CTTNBP2: variants seen among roughly 807,000 people sequenced by gnomAD.
The protein encoded by CTTNBP2 is cortactin-binding protein 2.
In CTTNBP2, 108 loss-of-function variants were observed where a neutral mutation model predicts 156.9. The ratio of observed to expected loss-of-function variants is 0.69; its 90% CI spans 0.59 to 0.81. The LOEUF is 0.81. Ranked by LOEUF, CTTNBP2 falls within the 30% of genes least tolerant of loss-of-function variation. The pLI is 0.00. For missense variants in CTTNBP2, 1,924 were observed against 2,035.4 expected (o/e 0.95, Z 1.05); for synonymous variants, 767 against 751.8 (o/e 1.02, Z -0.33).
At chr7:117,782,033 T>C (rs1414985129) in intron 6 of CTTNBP2, among the ~76,000 whole-genome samples, 1 of 152,184 alleles carries the variant, frequency 6.6e-6, no homozygotes, top group African/African-American at 2.4e-5. Context: ...AAATAATTCA[T>C]TTTGAATTTT....
chr7:117,804,015 T>G (rs1000637151), intron 3 of CTTNBP2, among the ~76,000 whole-genome samples: 2 of 151,842 alleles, frequency 1.3e-5, no homozygotes, highest in Admixed American at 6.6e-5. Context: ...CAGGCCAGAG[T>G]GTAGTGGGGT....
chr7:117,769,761 C>G (rs936192555), intron 8 of CTTNBP2, among the ~76,000 whole-genome samples: 5 of 152,106 alleles, frequency 3.3e-5, no homozygotes, highest in African/African-American at 1.2e-4. Context: ...GCAATCTGAG[C>G]ACTAAACTTA....
Position 117,792,705 on chromosome 7 carries a change from C to T in CTTNBP2, c.491G>A (p.Arg164His), listed in dbSNP as rs200938049. 1.5e-4 allele frequency: 242 copies of T among 1,611,640 alleles called. No individual in the cohort carries two copies. Among genetic ancestry groups the T allele is most frequent in the Non-Finnish European group, 1.9e-4 (229 of 1,178,684 alleles). ...CAGGACCACCTGCTTGTTCTTGCCA[C>T]GCTCTTCCTCAAGGCGGGCAGCCAG... ...KKLAARLEEE[R>H]GKNKQVVLML... Residue 164 changes from arginine (R) to histidine (H), a missense_variant, in exon 4 of 23, where the codon CGT becomes CAT. Transcript: ENST00000160373. The surrounding 1 kb of genome is among the most constrained non-coding windows in gnomAD (Gnocchi z 4.2).
At position 117,792,823 on chromosome 7, in the gene CTTNBP2, T is replaced by C; in HGVS notation, c.415-42A>G. The C allele has an allele frequency of 7.4e-7, 1 of 1,348,062 alleles. No individual in the cohort carries two copies. The highest frequency in any genetic ancestry group is 9.8e-7 in the Non-Finnish European group (1 of 1,020,382). The allele number at this position is 1,348,062 out of a possible 1,614,324, so 83.5% of individuals were successfully genotyped here. A position where few individuals can be genotyped will look rare whatever the true frequency, so the allele number is the denominator to read the frequency against. The stretch of plus-strand genomic sequence containing the variant: ...GGAAAACCCTGATTAATATACAGAA[T>C]TTTCTTTTCACCAAGGAAATGCTTT... On this transcript the variant is annotated intron_variant, in intron 3 of 22. Transcript: ENST00000160373. The surrounding 1 kb of genome is among the most constrained non-coding windows in gnomAD (Gnocchi z 4.2).
chr7:117,853,837 T>C (rs1803087492), intron 2 of CTTNBP2, among the ~76,000 whole-genome samples: 1 of 152,194 alleles, frequency 6.6e-6, no homozygotes, highest in South Asian at 2.1e-4. Flanking sequence ...GTTACTTCAT[T>C]TGCTTATTAT....
Position 117,791,438 on chromosome 7 carries a change from C to T in CTTNBP2, c.1758G>A (p.Ser586=), listed in dbSNP as rs776573193. ...TCCCTTGTGGCAAACTGGAAGGAGT[C>T]GAAGCCACAGTTTTGTTATCAACTT... The part of the protein sequence containing the change: ...GAKVDNKTVA[S]TPSSLPQGNR... Residue 586 remains serine (S), a synonymous_variant, in exon 4 of 23, where the codon TCG becomes TCA. Transcript: ENST00000160373. 2.0e-5 allele frequency: 33 copies of T among 1,614,052 alleles called. No homozygotes were observed. Among genetic ancestry groups the T allele is most frequent in the Admixed American group, 5.0e-5 (3 of 60,000 alleles).
At chr7:117,798,661 T>C (rs1799452299) in intron 3 of CTTNBP2, among the ~76,000 whole-genome samples, 1 of 152,018 alleles carries the variant, frequency 6.6e-6, no homozygotes, top group African/African-American at 2.4e-5. Flanking sequence ...ATCATCCTAG[T>C]TTCACCTTAA....
chr7:117,855,834 T>A (rs1341639995), intron 2 of CTTNBP2, among the ~76,000 whole-genome samples: 4 of 152,168 alleles, frequency 2.6e-5, no homozygotes, highest in African/African-American at 9.7e-5. Flanking sequence ...TACAGAACAA[T>A]TAATTTTAAA....
At position 117,791,325 on chromosome 7, in the gene CTTNBP2, G is replaced by A. The variant is rs995587588; in HGVS notation, c.1871C>T (p.Ala624Val). Residue 624 changes from alanine (A) to valine (V), a missense_variant, in exon 4 of 23, where the codon GCA becomes GTA. Physicochemically the swap from Ala to Val is moderately conservative, Grantham distance 64. Coordinates refer to ENST00000160373, the MANE Select transcript of CTTNBP2 (RefSeq NM_033427.3). ...KPSIDLTVAP[A>V]GCAVSALATS... ...GGCCAGGGCTGAAACGGCACAGCCTGCAGGTGCCACAGTTAAATCTATGGA... is the reference window on the plus strand; with the variant it reads ...GGCCAGGGCTGAAACGGCACAGCCTACAGGTGCCACAGTTAAATCTATGGA... 7.4e-6 allele frequency: 12 copies of A among 1,614,202 alleles called. No individual in the cohort carries two copies. The highest frequency in any genetic ancestry group is 1.1e-5 in the South Asian group (1 of 91,076).
intron 22 of CTTNBP2, chr7:117,712,525 A>C (rs1794115675): frequency 6.6e-6 from 1 of 152,228 alleles, no homozygotes; most frequent in African/African-American, 2.4e-5. Flanking sequence ...AACAAACATG[A>C]CATGACTCCT....
rs1394031637 is a variant in CTTNBP2 at position 117,711,590 on chromosome 7, CTTTT to C, written c.4935_4938del (p.Glu1647Ter). 1.2e-5 allele frequency: 19 copies of C among 1,613,816 alleles called. No individual in the cohort carries two copies. The highest frequency in any genetic ancestry group is 1.6e-5 in the Non-Finnish European group (19 of 1,179,804). The stretch of plus-strand genomic sequence containing the variant: ...TTTTTGTGTAAGTTCCAATTCACTT[CTTTT>C]GAGTTGTTGTTGATTTCTATTTGCC... On this transcript the variant is annotated frameshift_variant, in exon 23 of 23. Transcript: ENST00000160373. LOFTEE classifies it high-confidence loss of function.
At chr7:117,731,587 T>G (rs1365070731) in intron 16 of CTTNBP2, among the ~76,000 whole-genome samples, 1 of 152,244 alleles carries the variant, frequency 6.6e-6, no homozygotes, top group East Asian at 1.9e-4. Flanking sequence ...TATCACACTG[T>G]GTTTTGATGA....
chr7:117,740,778 A>T (rs1795965324), intron 14 of CTTNBP2, among the ~76,000 whole-genome samples: 1 of 152,184 alleles, frequency 6.6e-6, no homozygotes, highest in Admixed American at 6.5e-5. Flanking sequence ...GAAAGAACTG[A>T]CACCACACCT....
intron 2 of CTTNBP2, among the ~76,000 whole-genome samples, chr7:117,847,172 T>C (rs1341481777): frequency 6.8e-6 from 1 of 147,854 alleles, no homozygotes; most frequent in African/African-American, 2.5e-5. Flanking sequence ...AAAAAAAAAA[T>C]GCACAAGCTG....
chr7:117,723,574 ATTTATAT>A (rs1794921573), intron 19 of CTTNBP2, among the ~76,000 whole-genome samples: 1 of 152,166 alleles, frequency 6.6e-6, no homozygotes, highest in African/African-American at 2.4e-5. Context: ...GACATTTATA[ATTTATAT>A]AATAGCTGAT....
rs1311550217 is a variant in CTTNBP2, at chr7:117,782,767, C to G, written c.2372+95G>C. 4 of 722,132 alleles carry G rather than the reference C, an allele frequency of 5.5e-6. No individual in the cohort carries two copies. In the South Asian group the frequency reaches 7.3e-5, roughly 13 times the overall value. The allele number at this position is 722,132 out of a possible 1,614,324, so 44.7% of individuals were successfully genotyped here. A position where few individuals can be genotyped will look rare whatever the true frequency, so the allele number is the denominator to read the frequency against. The stretch of plus-strand genomic sequence containing the variant: ...ATTTATTTGCCAGTGATTTTAAGCA[C>G]TAGTTTACACATTCAGCCGGAACTA... On this transcript the variant is annotated intron_variant, in intron 6 of 22. Transcript: ENST00000160373.
chr7:117,772,407 G>T (rs1338775114), intron 8 of CTTNBP2, among the ~76,000 whole-genome samples: 1 of 152,196 alleles, frequency 6.6e-6, no homozygotes, highest in African/African-American at 2.4e-5. Context: ...AGGTGATGCT[G>T]TTGGAGTAAG....
At chr7:117,711,930 G>A (rs1794083278) in intron 22 of CTTNBP2, 148 bp from the exon 23 acceptor site, 6 of 722,082 alleles carry the variant, frequency 8.3e-6, no homozygotes, top group South Asian at 4.5e-5. Flanking sequence ...GAGAGGAGAA[G>A]CTGAGTAATT....
chr7:117,845,607 C>A (rs10272052), intron 2 of CTTNBP2, among the ~76,000 whole-genome samples: 1 of 152,170 alleles, frequency 6.6e-6, no homozygotes, highest in Admixed American at 6.5e-5. Context: ...CTTCTGGCTA[C>A]GCTAAATTCT....
Sources: gnomAD v4.1 joint callset for allele counts (sites outside exome capture counted in the v4.1 genomes callset) on GRCh38, gnomAD v4.1.1 for gene constraint, Gnocchi (gnomAD v3.1) non-coding constraint, MANE v1.5 for transcripts, NCBI Gene and HGNC (gene_info 2026-07-23, HGNC 2026-07-21) for gene names.